ADAMTSL1: variants seen among roughly 807,000 people sequenced by gnomAD.
The protein encoded by ADAMTSL1 is ADAMTS like 1.
In ADAMTSL1, 126 loss-of-function variants were observed where a neutral mutation model predicts 201.8. That is an observed-to-expected ratio of 0.62 (90% CI 0.54 to 0.72). The LOEUF (loss-of-function observed/expected upper bound fraction) is 0.72, where lower values mean the gene tolerates loss of function less well. Ranked by LOEUF, ADAMTSL1 falls within the 30% of genes least tolerant of loss-of-function variation. The probability of loss-of-function intolerance (pLI) is 0.00; values close to 1 mark genes in which losing one functional copy is unlikely to be tolerated. For synonymous variants in ADAMTSL1, 1,121 were observed against 903.4 expected (o/e 1.24, Z -4.32); for missense variants, 2,679 against 2,277.8 (o/e 1.18, Z -3.59).
intron 23 of ADAMTSL1, among the ~76,000 whole-genome samples, chr9:18,878,067 G>A (rs1189921900): frequency 1.6e-4 from 24 of 152,152 alleles, no homozygotes; most frequent in Admixed American, 1.6e-3. Context: ...AGCTGGCAGT[G>A]ACAGGCTTCA....
At chr9:18,255,750 C>T (rs756188600) in intron 2 of ADAMTSL1, among the ~76,000 whole-genome samples, 7 of 152,138 alleles carry the variant, frequency 4.6e-5, no homozygotes, top group Non-Finnish European at 5.9e-5. Context: ...ATTCATCGTT[C>T]TGTCGAAATC....
rs183563876 is a variant in ADAMTSL1 at position 18,204,742 on chromosome 9, G to C, written c.207+40761G>C. Among the ~76,000 whole-genome samples the C allele has an allele frequency of 1.7e-4, 26 of 152,206 alleles. 1 individual carries two copies. On this transcript the variant is annotated intron_variant, in intron 2 of 29. Transcript: ENST00000680146. ...TTAACCAGAAATTTACAAGGGAGGG[G>C]AATCTATTGGCTATAGTCAATTAGA...
intron 2 of ADAMTSL1, among the ~76,000 whole-genome samples, chr9:18,405,508 G>A (rs1372355309): frequency 6.6e-6 from 1 of 152,078 alleles, no homozygotes; most frequent in African/African-American, 2.4e-5. Flanking sequence ...ACCCTGGAAT[G>A]CAGATTCCAA....
chr9:18,892,117 C>T (rs1360128573), intron 25 of ADAMTSL1, among the ~76,000 whole-genome samples: 1 of 152,226 alleles, frequency 6.6e-6, no homozygotes, highest in Non-Finnish European at 1.5e-5. Flanking sequence ...ATTTAGGGCC[C>T]AGCCAGATAA....
chr9:18,593,616 A>G (rs1164808673), intron 4 of ADAMTSL1, among the ~76,000 whole-genome samples: 1 of 151,944 alleles, frequency 6.6e-6, no homozygotes, highest in Admixed American at 6.6e-5. Context: ...ATTATCTATA[A>G]TTTGTTTCAA....
chr9:18,767,420 T>C (rs1229206759), intron 16 of ADAMTSL1, among the ~76,000 whole-genome samples: 1 of 152,126 alleles, frequency 6.6e-6, no homozygotes, highest in African/African-American at 2.4e-5. Flanking sequence ...TGGCTACTTA[T>C]AAAAAGAAAG....
intron 6 of ADAMTSL1, among the ~76,000 whole-genome samples, chr9:18,637,040 A>G: frequency 6.6e-6 from 1 of 152,132 alleles, no homozygotes; most frequent in East Asian, 1.9e-4. Flanking sequence ...AAGTCAAGAT[A>G]GCCTACAGTA....
intron 2 of ADAMTSL1, among the ~76,000 whole-genome samples, chr9:18,506,438 C>G (rs904862817): frequency 6.6e-6 from 1 of 152,064 alleles, no homozygotes; most frequent in Non-Finnish European, 1.5e-5. Context: ...TGATAAGAAA[C>G]AAAGGGGAAT....
chr9:18,822,968 GA>G (rs989026668), intron 21 of ADAMTSL1, among the ~76,000 whole-genome samples: 1 of 150,842 alleles, frequency 6.6e-6, no homozygotes, highest in Non-Finnish European at 1.5e-5. Flanking sequence ...GAGAGAAAAA[GA>G]AAAAAAAACT....
chr9:18,234,610 C>A (rs1185504165), intron 2 of ADAMTSL1, among the ~76,000 whole-genome samples: 3 of 152,164 alleles, frequency 2.0e-5, no homozygotes, highest in African/African-American at 7.2e-5. Flanking sequence ...AAAATTAATT[C>A]TTGGTTCCCA....
chr9:18,171,819 C>T (rs912328636), intron 2 of ADAMTSL1, among the ~76,000 whole-genome samples: 14 of 151,962 alleles, frequency 9.2e-5, no homozygotes, highest in East Asian at 1.9e-4. Flanking sequence ...TTAGGTCTTA[C>T]GTTTAAGTCT....
intron 9 of ADAMTSL1, among the ~76,000 whole-genome samples, chr9:18,672,073 C>T (rs925670304): frequency 1.3e-5 from 2 of 151,754 alleles, no homozygotes; most frequent in African/African-American, 2.4e-5. Context: ...AGAACAGAAC[C>T]CCGGTAAATT....
At chr9:18,002,172 C>T (rs144057526) in intron 1 of ADAMTSL1, among the ~76,000 whole-genome samples, 1 of 152,002 alleles carries the variant, frequency 6.6e-6, no homozygotes, top group East Asian at 1.9e-4. Context: ...TTTTCTGATA[C>T]TAGAGATCAG....
intron 4 of ADAMTSL1, among the ~76,000 whole-genome samples, chr9:18,590,719 G>A (rs565656597): frequency 1.8e-4 from 27 of 151,812 alleles, no homozygotes; most frequent in South Asian, 4.2e-4. Context: ...TTGTACTTCC[G>A]TTTTCATGTT....
chr9:18,182,142 G>A (rs1162802078), intron 2 of ADAMTSL1, among the ~76,000 whole-genome samples: 1 of 142,894 alleles, frequency 7.0e-6, no homozygotes, highest in African/African-American at 2.6e-5. Context: ...CTGTTGTGGT[G>A]TGGGGGGAGG....
At chr9:18,789,428 A>C (rs1821897645) in intron 19 of ADAMTSL1, among the ~76,000 whole-genome samples, 1 of 152,186 alleles carries the variant, frequency 6.6e-6, no homozygotes, top group African/African-American at 2.4e-5. Flanking sequence ...ATTTGATCCC[A>C]TCATTAATGG....
intron 2 of ADAMTSL1, among the ~76,000 whole-genome samples, chr9:18,369,078 T>G (rs1586990395): frequency 6.6e-6 from 1 of 152,222 alleles, no homozygotes; most frequent in Admixed American, 6.5e-5. Flanking sequence ...TAGGGTAGTA[T>G]TGAAACTGAT....
chr9:18,052,992 T>G (rs1002505119), intron 1 of ADAMTSL1, among the ~76,000 whole-genome samples: 4 of 152,206 alleles, frequency 2.6e-5, no homozygotes, highest in African/African-American at 9.6e-5. Context: ...TTCTGTTTCC[T>G]CAATCTTTAA....
At chr9:18,584,373 C>CA (rs914447314) in intron 4 of ADAMTSL1, among the ~76,000 whole-genome samples, 2 of 152,148 alleles carry the variant, frequency 1.3e-5, no homozygotes, top group Middle Eastern at 3.4e-3. Flanking sequence ...TGAGGCCCCC[C>CA]CCAGCCACAT....
Sources: gnomAD v4.1 joint callset for allele counts (sites outside exome capture counted in the v4.1 genomes callset) on GRCh38, gnomAD v4.1.1 for gene constraint, MANE v1.5 for transcripts, NCBI Gene and HGNC (gene_info 2026-07-23, HGNC 2026-07-21) for gene names.